The following TNKS variants were observed in gnomAD, a reference collection of about 807,000 sequenced individuals.
TNKS encodes poly [ADP-ribose] polymerase tankyrase-1.
TNKS carries 72 observed loss-of-function variants against 135.8 expected under a neutral mutation model. That is an observed-to-expected ratio of 0.53 (90% CI 0.44 to 0.64). The LOEUF (loss-of-function observed/expected upper bound fraction) is 0.64. TNKS is among the 30% of genes least tolerant of loss of function. The pLI, the probability that TNKS is intolerant of heterozygous loss-of-function variation, is 0.00. For synonymous variants in TNKS, 849 were observed against 649.3 expected (o/e 1.31, Z -4.68); for missense variants, 1,769 against 1,674.0 (o/e 1.06, Z -0.99).
At chr8:9,593,068 C>T (rs1798645038) in intron 2 of TNKS, among the ~76,000 whole-genome samples, 1 of 152,110 alleles carries the variant, frequency 6.6e-6, no homozygotes, top group South Asian at 2.1e-4. Flanking sequence ...TGTTAACTTA[C>T]AGATTAAACC....
chr8:9,728,151 A>G (rs1385840907), intron 13 of TNKS, among the ~76,000 whole-genome samples: 2 of 151,890 alleles, frequency 1.3e-5, no homozygotes, highest in Non-Finnish European at 2.9e-5. Flanking sequence ...TTTCTTAAAC[A>G]ATCCATTCAC....
intron 3 of TNKS, among the ~76,000 whole-genome samples, chr8:9,664,871 C>T (rs570750852): frequency 5.9e-5 from 9 of 152,306 alleles, no homozygotes; most frequent in Non-Finnish European, 2.9e-5. Context: ...GGATTCCGTA[C>T]TATATTACTA....
At chr8:9,645,711 C>G (rs1274847205) in intron 3 of TNKS, among the ~76,000 whole-genome samples, 1 of 151,998 alleles carries the variant, frequency 6.6e-6, no homozygotes, top group Admixed American at 6.5e-5. Flanking sequence ...AGGACATAGC[C>G]CCATCATAAG....
chr8:9,715,627 C>T (rs1471322049), intron 11 of TNKS, among the ~76,000 whole-genome samples: 1 of 152,076 alleles, frequency 6.6e-6, no homozygotes, highest in Non-Finnish European at 1.5e-5. Flanking sequence ...AAGTGATTTT[C>T]TCAGGACCCA....
At chr8:9,741,892 C>A in intron 17 of TNKS, 1 of 236,442 alleles carries the variant, frequency 4.2e-6, no homozygotes, top group South Asian at 5.4e-5. Context: ...TCACCATCAC[C>A]CATAACTCCC....
In TNKS at chr8:9,762,839, A is replaced by G. The variant is rs538269693; in HGVS notation, c.3275-308A>G. On this transcript the variant is annotated intron_variant, in intron 21 of 26. Transcript: ENST00000310430. ...AGAATGGTGTGAACCCGGGAGGCGGAGCTTGCAGTAAGCCGAGATCACGTC... is the reference window on the plus strand; with the variant it reads ...AGAATGGTGTGAACCCGGGAGGCGGGGCTTGCAGTAAGCCGAGATCACGTC... 7.1e-4 allele frequency among the ~76,000 whole-genome samples: 107 copies of G among 151,226 alleles called. 1 individual carries two copies. Among genetic ancestry groups the G allele is most frequent in the African/African-American group, 2.5e-3 (101 of 41,176 alleles).
Position 9,564,775 on chromosome 8 carries a change from G to T in TNKS, c.673+8163G>T, listed in dbSNP as rs1255221148. Among the ~76,000 whole-genome samples, 17 of 152,338 alleles carry T rather than the reference G, an allele frequency of 1.1e-4. 1 individual carries two copies. The highest frequency in any genetic ancestry group is 6.5e-4 in the Admixed American group (10 of 15,310). ...CATCATTAATAGATACTTATAGTAA[G>T]AATTGAATAGGATTAGTTAAGATAA... is the stretch of plus-strand genomic sequence containing the variant. On this transcript the variant is annotated intron_variant, in intron 1 of 26. Coordinates refer to ENST00000310430, the MANE Select transcript of TNKS (RefSeq NM_003747.3).
intron 21 of TNKS, among the ~76,000 whole-genome samples, chr8:9,762,657 C>T (rs1015910457): frequency 2.0e-5 from 3 of 152,066 alleles, no homozygotes; most frequent in Admixed American, 1.3e-4. Context: ...AATCCCAGCA[C>T]TTTGGGAGGC....
intron 2 of TNKS, among the ~76,000 whole-genome samples, chr8:9,609,950 C>T (rs1240577735): frequency 6.6e-6 from 1 of 152,098 alleles, no homozygotes; most frequent in Non-Finnish European, 1.5e-5. Flanking sequence ...CTCCACCTCC[C>T]GGGTTCACGC....
intron 3 of TNKS, among the ~76,000 whole-genome samples, chr8:9,670,470 C>G (rs1293803977): frequency 6.6e-6 from 1 of 152,068 alleles, no homozygotes; most frequent in Non-Finnish European, 1.5e-5. Flanking sequence ...TAATCCCATC[C>G]CTAATGTCAG....
chr8:9,639,165 A>G (rs775873861), intron 3 of TNKS, among the ~76,000 whole-genome samples: 21 of 152,194 alleles, frequency 1.4e-4, no homozygotes, highest in Non-Finnish European at 3.1e-4. Flanking sequence ...AATATTTTCT[A>G]TGTTATTCAG....
At chr8:9,625,878 A>T (rs980088148) in intron 3 of TNKS, among the ~76,000 whole-genome samples, 3 of 152,058 alleles carry the variant, frequency 2.0e-5, no homozygotes, top group Non-Finnish European at 4.4e-5. Context: ...GTATTTTCTG[A>T]TGTTTTTGGA....
chr8:9,753,978 A>G (rs1371250839), intron 20 of TNKS, among the ~76,000 whole-genome samples: 1 of 152,200 alleles, frequency 6.6e-6, no homozygotes, highest in African/African-American at 2.4e-5. Flanking sequence ...GATGGTTGGC[A>G]GCTTCCTTGG....
intron 2 of TNKS, among the ~76,000 whole-genome samples, chr8:9,588,139 A>G (rs1219491304): frequency 6.6e-6 from 1 of 152,242 alleles, no homozygotes; most frequent in African/African-American, 2.4e-5. Flanking sequence ...AAACTTAAAA[A>G]AAATAAATTT....
intron 26 of TNKS, among the ~76,000 whole-genome samples, chr8:9,773,585 T>G (rs1025851049): frequency 1.1e-4 from 16 of 152,180 alleles, no homozygotes; most frequent in African/African-American, 3.6e-4. Context: ...TAATAAGGAA[T>G]ACTTAGAAGA....
chr8:9,567,494 C>T lies in TNKS; in HGVS notation c.673+10882C>T, dbSNP rs1370293262. ...GCAGTGGCGCGATCTTGGCTCACTG[C>T]AAGCTCTGCCTCCCGGGTTCACGCC... On this transcript the variant is annotated intron_variant, in intron 1 of 26. Coordinates refer to ENST00000310430, the MANE Select transcript of TNKS (RefSeq NM_003747.3). Among the ~76,000 whole-genome samples, 4 of 152,232 alleles carry T rather than the reference C, an allele frequency of 2.6e-5. 1 individual carries two copies. Among genetic ancestry groups the T allele is most frequent in the African/African-American group, 7.2e-5 (3 of 41,464 alleles).
intron 3 of TNKS, among the ~76,000 whole-genome samples, chr8:9,672,713 A>ACAC (rs1563158502): frequency 0.012 from 1,188 of 97,968 alleles, 15 homozygotes; most frequent in East Asian, 0.11. Context: ...CACACACACA[A>ACAC]AAAAAAAAAA....
chr8:9,765,553 A>G, intron 23 of TNKS, 139 bp from the exon 24 acceptor site: 1 of 673,000 alleles, frequency 1.5e-6, no homozygotes, highest in Admixed American at 2.8e-5. Context: ...AATTACACTG[A>G]CATGGTAGCT....
intron 13 of TNKS, among the ~76,000 whole-genome samples, chr8:9,727,687 G>A (rs949926340): frequency 2.6e-5 from 4 of 152,148 alleles, no homozygotes; most frequent in Non-Finnish European, 4.4e-5. Flanking sequence ...AACTTTTTGC[G>A]ATTTTTAGCA....
Sources: gnomAD v4.1 joint callset for allele counts (sites outside exome capture counted in the v4.1 genomes callset) on GRCh38, gnomAD v4.1.1 for gene constraint, MANE v1.5 for transcripts, NCBI Gene and HGNC (gene_info 2026-07-23, HGNC 2026-07-21) for gene names.